Variants in AMMECR1 observed in about 807,000 individuals in gnomAD.
AMMECR1 encodes the protein AMMECR nuclear protein 1.
A neutral mutation model predicts 22.5 loss-of-function variants in AMMECR1; 3 were observed. That is an observed-to-expected ratio of 0.13 (90% CI 0.06 to 0.35). The LOEUF (loss-of-function observed/expected upper bound fraction) is 0.35. Ranked by LOEUF, AMMECR1 falls within the 10% of genes least tolerant of loss-of-function variation. AMMECR1 has a pLI of 1.00. For synonymous variants in AMMECR1, 130 were observed against 116.7 expected (o/e 1.11, Z -0.74); for missense variants, 235 against 278.7 (o/e 0.84, Z 1.12).
chrX:110,437,945 G>A (rs2148338061), intron 1 of AMMECR1, among the ~76,000 whole-genome samples: 1 of 111,760 alleles, frequency 8.9e-6, no homozygotes, highest in South Asian at 3.8e-4. Flanking sequence ...TAGTACATGA[G>A]ATTATTCCTC....
intron 1 of AMMECR1, among the ~76,000 whole-genome samples, chrX:110,288,861 A>AT (rs990322270): frequency 8.9e-6 from 1 of 112,202 alleles, no homozygotes; most frequent in Non-Finnish European, 1.9e-5. Context: ...ATTCAACCAT[A>AT]TAACTTCTAC....
At chrX:110,243,663 A>G (rs2067644510) in intron 2 of AMMECR1, among the ~76,000 whole-genome samples, 1 of 112,175 alleles carries the variant, frequency 8.9e-6, no homozygotes, top group African/African-American at 3.2e-5. Context: ...TTATTTCTTT[A>G]TAGATTTCTT....
At chrX:110,400,081 T>C (rs2068553822) in intron 2 of AMMECR1, among the ~76,000 whole-genome samples, 1 of 110,307 alleles carries the variant, frequency 9.1e-6, no homozygotes, top group East Asian at 2.8e-4. Context: ...ACTACTGAGA[T>C]GCTGTAATCT....
At chrX:110,349,506 A>G (rs1266421090) in intron 2 of AMMECR1, among the ~76,000 whole-genome samples, 1 of 111,661 alleles carries the variant, frequency 9.0e-6, no homozygotes, top group Non-Finnish European at 1.9e-5. Flanking sequence ...GAGGCAAACA[A>G]AGTTCAGTTC....
intron 2 of AMMECR1, among the ~76,000 whole-genome samples, chrX:110,248,916 C>T (rs918756280): frequency 2.4e-4 from 27 of 112,204 alleles, no homozygotes; most frequent in Non-Finnish European, 2.3e-4. Context: ...AAATGTTGTA[C>T]AGAAAGAGAT....
intron 2 of AMMECR1, among the ~76,000 whole-genome samples, chrX:110,259,904 T>C (rs1397693296): frequency 1.8e-5 from 2 of 111,589 alleles, no homozygotes; most frequent in Admixed American, 9.5e-5. Flanking sequence ...TTGACTGAGA[T>C]GTTTATATTC....
chrX:110,240,959 C>T (rs2067629097), intron 2 of AMMECR1, among the ~76,000 whole-genome samples: 1 of 111,871 alleles, frequency 8.9e-6, no homozygotes, highest in Admixed American at 9.5e-5. Flanking sequence ...AACTGAACAA[C>T]CTGCTCCTGA....
intron 2 of AMMECR1, among the ~76,000 whole-genome samples, chrX:110,255,184 T>C (rs966740872): frequency 8.9e-6 from 1 of 112,465 alleles, no homozygotes; most frequent in Admixed American, 9.4e-5. Context: ...TGGGTACTTT[T>C]AATGTAGCAC....
chrX:110,201,220 A>G (rs2067395446), intron 4 of AMMECR1, among the ~76,000 whole-genome samples, 170 bp from the exon 5 acceptor site: 1 of 112,284 alleles, frequency 8.9e-6, no homozygotes, highest in Non-Finnish European at 1.9e-5. Flanking sequence ...CCTTTACAAA[A>G]GCAGGGTCAT....
chrX:110,202,471 G>A lies in AMMECR1; in HGVS notation c.765C>T (p.Tyr255=), dbSNP rs747190504. 2.5e-6 allele frequency: 3 copies of A among 1,208,166 alleles called. No individual in the cohort carries two copies. Among genetic ancestry groups the A allele is most frequent in the South Asian group, 3.5e-5 (2 of 56,782 alleles). The stretch of plus-strand genomic sequence containing the variant: ...CTTGCTCCTTTGCAACCTCCGGTAG[G>A]TAGGTGGCGGTGCGTTTTGATCCTT... ...NEKGSKRTAT[Y]LPEVAKEQGW... The change falls in exon 4 of 6, where the codon TAC becomes TAT. Residue 255 remains tyrosine (Y), a synonymous_variant. Transcript: ENST00000262844.
intron 2 of AMMECR1, among the ~76,000 whole-genome samples, chrX:110,387,318 C>T (rs980341996): frequency 2.7e-5 from 3 of 112,224 alleles, no homozygotes; most frequent in African/African-American, 9.7e-5. Flanking sequence ...GGCTTACAGA[C>T]ACGTTTGGTT....
intron 4 of AMMECR1, 66 bp downstream of exon 4, chrX:110,202,380 G>T: frequency 2.3e-6 from 2 of 858,146 alleles, no homozygotes; most frequent in Admixed American, 2.4e-5. Context: ...GTCAGATAAC[G>T]CATTTCAGTT....
At chrX:110,387,283 T>C (rs2068462342) in intron 2 of AMMECR1, among the ~76,000 whole-genome samples, 1 of 112,451 alleles carries the variant, frequency 8.9e-6, no homozygotes, top group Admixed American at 9.3e-5. Context: ...AGGTTACCAA[T>C]TAACAAAGTT....
intron 2 of AMMECR1, among the ~76,000 whole-genome samples, chrX:110,372,461 T>C (rs1055712758): frequency 1.8e-5 from 2 of 112,075 alleles, no homozygotes; most frequent in Non-Finnish European, 3.8e-5. Flanking sequence ...TAAGTTTGTG[T>C]ACATAAAATG....
At chrX:110,327,866 G>T (rs1225346499) in intron 2 of AMMECR1, among the ~76,000 whole-genome samples, 2 of 111,358 alleles carry the variant, frequency 1.8e-5, no homozygotes, top group Non-Finnish European at 3.8e-5. Flanking sequence ...AGACCACAAA[G>T]CATCGATTAT....
chrX:110,322,043 C>T (rs1015063239), upstream of AMMECR1, among the ~76,000 whole-genome samples: 8 of 112,467 alleles, frequency 7.1e-5, no homozygotes, highest in African/African-American at 2.6e-4. Context: ...AAAATTCTTT[C>T]TTTATCTAAT....
chrX:110,243,974 T>G (rs747927203), intron 2 of AMMECR1, among the ~76,000 whole-genome samples: 4 of 111,955 alleles, frequency 3.6e-5, no homozygotes, highest in African/African-American at 1.3e-4. Flanking sequence ...AAAATTACTT[T>G]CACATTAAAA....
At chrX:110,412,910 CA>C (rs930645527) in intron 2 of AMMECR1, among the ~76,000 whole-genome samples, 2 of 111,621 alleles carry the variant, frequency 1.8e-5, no homozygotes, top group Non-Finnish European at 3.8e-5. Context: ...TTCCCTTGAG[CA>C]ATAATTAGAG....
At chrX:110,199,725 C>T (rs2067387519) in intron 5 of AMMECR1, among the ~76,000 whole-genome samples, 1 of 111,286 alleles carries the variant, frequency 9.0e-6, no homozygotes, top group Non-Finnish European at 1.9e-5. Flanking sequence ...CTCACTGCCA[C>T]AGCTCTAGTT....
Sources: gnomAD v4.1 joint callset for allele counts (sites outside exome capture counted in the v4.1 genomes callset) on GRCh38, gnomAD v4.1.1 for gene constraint, MANE v1.5 for transcripts, NCBI Gene and HGNC (gene_info 2026-07-23, HGNC 2026-07-21) for gene names.